The following CFAP44 variants were observed in gnomAD, a reference collection of about 807,000 sequenced individuals.
CFAP44 encodes the protein cilia- and flagella-associated protein 44.
Under a neutral mutation model 216.2 loss-of-function variants are expected in CFAP44, and 134 were observed. The ratio of observed to expected loss-of-function variants is 0.62; its 90% CI spans 0.54 to 0.72. The LOEUF (loss-of-function observed/expected upper bound fraction) is 0.72, where lower values mean the gene tolerates loss of function less well. Among genes scored for constraint, CFAP44 ranks in the 30% least tolerant of loss-of-function variants. CFAP44 has a pLI of 0.00. For missense variants in CFAP44, 2,035 were observed against 2,182.1 expected (o/e 0.93, Z 1.34); for synonymous variants, 700 against 727.6 (o/e 0.96, Z 0.61).
intron 22 of CFAP44, among the ~76,000 whole-genome samples, chr3:113,347,426 A>C (rs1196914312): frequency 2.0e-5 from 3 of 152,118 alleles, no homozygotes; most frequent in African/African-American, 7.2e-5. Context: ...CCTGGGTCTT[A>C]ATGCCTGTCA....
intron 21 of CFAP44, among the ~76,000 whole-genome samples, chr3:113,361,497 TG>T (rs1243150256): frequency 1.7e-4 from 25 of 149,124 alleles, no homozygotes; most frequent in East Asian, 2.0e-4. Flanking sequence ...AGACCTGTTT[TG>T]TTTTTTTTTT....
intron 22 of CFAP44, among the ~76,000 whole-genome samples, chr3:113,352,218 A>T (rs548104143): frequency 3.3e-5 from 5 of 152,326 alleles, no homozygotes; most frequent in African/African-American, 1.2e-4. Flanking sequence ...AAAATGGACC[A>T]ATCAGCGCTC....
chr3:113,294,935 G>A, intron 33 of CFAP44, 114 bp from the exon 34 acceptor site: 2 of 1,244,886 alleles, frequency 1.6e-6, no homozygotes, highest in South Asian at 1.8e-5. Flanking sequence ...GTGCCCATAT[G>A]AAAATATAAT....
In CFAP44 at chr3:113,403,995, C is replaced by G. The variant is rs1192834175; in HGVS notation, c.1027G>C (p.Gly343Arg). The change falls in exon 9 of 35, where the codon GGC (glycine) becomes CGC (arginine). Residue 343 changes from glycine to arginine, a missense_variant. By Grantham distance (125) the Gly-to-Arg change is moderately radical. Transcript: ENST00000393845. ...CCACCTTCCCAAAGCAGCATGTTGC[C>G]CCATTCTGACCCTGAGAGCACCTGG... ...DGKVLSGSEW[G>R]NMLLWEGGLI... 1.2e-6 allele frequency: 2 copies of G among 1,613,636 alleles called. No homozygotes were observed. Among genetic ancestry groups the G allele is most frequent in the East Asian group, 4.5e-5 (2 of 44,872 alleles).
intron 13 of CFAP44, among the ~76,000 whole-genome samples, chr3:113,397,793 G>GGT (rs1209807667): frequency 6.6e-6 from 1 of 152,094 alleles, no homozygotes; most frequent in African/African-American, 2.4e-5. Flanking sequence ...AAGGGAGCCA[G>GGT]GTGTGTGTGT....
chr3:113,423,174 G>GCATGAA (rs1227001738), intron 4 of CFAP44, among the ~76,000 whole-genome samples: 1 of 141,810 alleles, frequency 7.1e-6, no homozygotes, highest in African/African-American at 2.7e-5. Context: ...GAGTGCAGTG[G>GCATGAA]CATGAACATG....
chr3:113,427,575 ATACT>A, intron 2 of CFAP44: 2 of 392,742 alleles, frequency 5.1e-6, no homozygotes, highest in Non-Finnish European at 8.9e-6. Context: ...CTATCATTAA[ATACT>A]TACAAGAAGT....
chr3:113,432,705 AG>A (rs546628419), intron 2 of CFAP44, among the ~76,000 whole-genome samples: 3,609 of 152,348 alleles, frequency 0.024, 68 homozygotes, highest in African/African-American at 0.045. Flanking sequence ...TACTATTTTT[AG>A]TATACTGCCT....
In CFAP44 at chr3:113,287,119, G is replaced by A. The variant is rs761960511; in HGVS notation, c.*4438C>T. ...AGGAAAGCACCGCACAGGCTGGCGCGGGACAGACTCCTAACCTGGGGCCTC... is the reference window on the plus strand; with the variant it reads ...AGGAAAGCACCGCACAGGCTGGCGCAGGACAGACTCCTAACCTGGGGCCTC... On this transcript the variant is annotated 3_prime_UTR_variant, in exon 35 of 35. Transcript: ENST00000393845. 8.1e-6 allele frequency: 4 copies of A among 495,338 alleles called. No homozygotes were observed. The highest frequency in any genetic ancestry group is 4.7e-5 in the South Asian group (3 of 63,468). 30.7% of individuals were successfully genotyped at this position (495,338 alleles called of 1,614,324 possible).
intron 28 of CFAP44, among the ~76,000 whole-genome samples, chr3:113,309,883 A>C (rs1488377567): frequency 6.6e-6 from 1 of 152,194 alleles, no homozygotes; most frequent in Non-Finnish European, 1.5e-5. Context: ...ATAGACACAG[A>C]AAGCCTCAAC....
chr3:113,404,614 A>G (rs954964027), intron 8 of CFAP44, among the ~76,000 whole-genome samples: 5 of 152,182 alleles, frequency 3.3e-5, no homozygotes, highest in African/African-American at 9.7e-5. Context: ...TACTTTATAT[A>G]TGTTAAGTTA....
At chr3:113,352,525 A>G (rs111271273) in intron 22 of CFAP44, among the ~76,000 whole-genome samples, 1,738 of 152,350 alleles carry the variant, frequency 0.011, 37 homozygotes, top group African/African-American at 0.04. Context: ...GCTGGTTTTG[A>G]TCACATAAAA....
At chr3:113,433,501 T>A in intron 2 of CFAP44, 64 bp downstream of exon 2, 1 of 846,822 alleles carries the variant, frequency 1.2e-6, no homozygotes. Flanking sequence ...ACTATAAAAA[T>A]TAATTATTTA....
At chr3:113,424,077 G>A (rs911965847) in intron 4 of CFAP44, among the ~76,000 whole-genome samples, 10 of 152,212 alleles carry the variant, frequency 6.6e-5, no homozygotes, top group Non-Finnish European at 1.3e-4. Context: ...CTTAAAGTAT[G>A]TAAGGAGGCA....
intron 27 of CFAP44, 70 bp from the exon 28 acceptor site, chr3:113,326,710 T>G: frequency 1.1e-6 from 1 of 934,310 alleles, no homozygotes; most frequent in Non-Finnish European, 1.5e-6. Context: ...CAATGTACTT[T>G]ACAATACAAG....
chr3:113,375,121 T>C (rs1321701873), intron 17 of CFAP44, among the ~76,000 whole-genome samples: 1 of 148,250 alleles, frequency 6.7e-6, no homozygotes, highest in Non-Finnish European at 1.5e-5. Flanking sequence ...TTATTTGAGA[T>C]ACTTAGAGTA....
chr3:113,296,139 TGA>T (rs565565424), intron 33 of CFAP44, among the ~76,000 whole-genome samples: 167 of 152,318 alleles, frequency 1.1e-3, no homozygotes, highest in South Asian at 2.1e-3. Flanking sequence ...CACTTATAAG[TGA>T]GAACATGCAG....
chr3:113,366,941 T>C (rs1932955860), intron 18 of CFAP44, among the ~76,000 whole-genome samples: 1 of 152,224 alleles, frequency 6.6e-6, no homozygotes, highest in South Asian at 2.1e-4. Flanking sequence ...CCCACGCCCA[T>C]GGAGCTTTGC....
chr3:113,301,399 C>T (rs1404298192), intron 32 of CFAP44, among the ~76,000 whole-genome samples: 1 of 151,904 alleles, frequency 6.6e-6, no homozygotes, highest in Non-Finnish European at 1.5e-5. Flanking sequence ...GGAAAAAATG[C>T]ACACAGATAG....
Sources: allele counts gnomAD v4.1 joint callset (sites outside exome capture counted in the v4.1 genomes callset), GRCh38; gene constraint gnomAD v4.1.1; transcripts MANE v1.5; gene names NCBI Gene and HGNC (gene_info 2026-07-23, HGNC 2026-07-21).